Variants in TRHDE observed in about 807,000 individuals in gnomAD.
TRHDE encodes thyrotropin releasing hormone degrading enzyme, also known as thyrotropin-releasing hormone-degrading ectoenzyme.
Under a neutral mutation model 125.7 loss-of-function variants are expected in TRHDE, and 72 were observed. That is an observed-to-expected ratio of 0.57 (90% CI 0.47 to 0.70). The LOEUF (loss-of-function observed/expected upper bound fraction) is 0.70. Ranked by LOEUF, TRHDE falls within the 30% of genes least tolerant of loss-of-function variation. The probability of loss-of-function intolerance (pLI) is 0.00; values close to 1 mark genes in which losing one functional copy is unlikely to be tolerated. For missense variants in TRHDE, 1,110 were observed against 1,327.1 expected (o/e 0.84, Z 2.54); for synonymous variants, 509 against 509.1 (o/e 1.00, Z 0.00).
intron 2 of TRHDE, among the ~76,000 whole-genome samples, chr12:72,135,500 G>C (rs1875963706): frequency 6.6e-6 from 1 of 151,348 alleles, no homozygotes. Context: ...CCCTATAACT[G>C]TCTACTGGGA....
chr12:72,549,996 A>G (rs1353412001), intron 7 of TRHDE, among the ~76,000 whole-genome samples: 3 of 151,722 alleles, frequency 2.0e-5, no homozygotes, highest in Non-Finnish European at 4.4e-5. Flanking sequence ...TCCTGCAGGC[A>G]TTTGTCTAGC....
At chr12:72,474,039 C>T (rs960135099) in intron 5 of TRHDE, among the ~76,000 whole-genome samples, 5 of 151,938 alleles carry the variant, frequency 3.3e-5, no homozygotes, top group Non-Finnish European at 7.4e-5. Context: ...TATGCACACA[C>T]ACATACATAT....
intron 12 of TRHDE, among the ~76,000 whole-genome samples, chr12:72,591,831 G>A (rs1319481807): frequency 2.0e-5 from 3 of 151,082 alleles, no homozygotes; most frequent in East Asian, 1.9e-4. Context: ...TTCTGGCCTC[G>A]ATAGTTTCTG....
In TRHDE at chr12:72,354,530, G is replaced by C. The variant is rs1026400524; in HGVS notation, c.1189-23465G>C. Among the ~76,000 whole-genome samples, 6 of 151,022 alleles carry C rather than the reference G, an allele frequency of 4.0e-5. No individual in the cohort carries two copies. The South Asian group carries it at 1.2e-3, about 31-fold the overall frequency. On this transcript the variant is annotated intron_variant, in intron 2 of 18. Coordinates refer to ENST00000261180, the MANE Select transcript of TRHDE (RefSeq NM_013381.3). ...AGCAGGTGTTCTAATAAGTAAAATG[G>C]GAATGAAAAATGAATATATAAATTA...
intron 3 of TRHDE, among the ~76,000 whole-genome samples, chr12:72,443,637 A>G (rs1484325423): frequency 6.6e-6 from 1 of 151,640 alleles, no homozygotes; most frequent in South Asian, 2.1e-4. Flanking sequence ...AGCTGTATCT[A>G]TTTTTCTCTA....
intron 1 of TRHDE, among the ~76,000 whole-genome samples, chr12:72,092,664 C>T (rs914882881): frequency 5.3e-5 from 8 of 152,178 alleles, no homozygotes; most frequent in African/African-American, 1.7e-4. Context: ...CTGAGGCTAA[C>T]GGAGTGCAAT....
intron 2 of TRHDE, among the ~76,000 whole-genome samples, chr12:72,132,362 C>A (rs765787704): frequency 6.6e-6 from 1 of 152,200 alleles, no homozygotes; most frequent in Admixed American, 6.5e-5. Context: ...CTGGCATTCT[C>A]ATTCTTTCAG....
rs143096471 is a variant in TRHDE, at chr12:72,103,537, G to A, written n.175-2111G>A. On this transcript the variant is annotated intron_variant and non_coding_transcript_variant, in intron 1 of 4. Coordinates refer to the TRHDE transcript ENST00000548156. ...ACAATTTTCATTTACTGTGAATCCT[G>A]TGGTAGGATTCTCTGTGGTTGCTCT... Among the ~76,000 whole-genome samples, 78 of 152,104 alleles carry A rather than the reference G, an allele frequency of 5.1e-4. 1 individual carries two copies. Among genetic ancestry groups the A allele is most frequent in the African/African-American group, 1.7e-3 (71 of 41,416 alleles).
intron 2 of TRHDE, among the ~76,000 whole-genome samples, chr12:72,185,754 T>C (rs1186163137): frequency 1.3e-5 from 2 of 151,292 alleles, no homozygotes; most frequent in African/African-American, 4.9e-5. Flanking sequence ...TGGAGAACCT[T>C]TATGTCTAGC....
intron 2 of TRHDE, among the ~76,000 whole-genome samples, chr12:72,191,745 A>G (rs141404822): frequency 1.4e-3 from 217 of 152,258 alleles, no homozygotes; most frequent in Middle Eastern, 0.01. Flanking sequence ...AATAATAAAA[A>G]ATGTTTAGAG....
chr12:72,133,364 T>C (rs1360315727), intron 2 of TRHDE, among the ~76,000 whole-genome samples: 2 of 151,896 alleles, frequency 1.3e-5, no homozygotes, highest in Non-Finnish European at 1.5e-5. Flanking sequence ...TTGAAAGTGG[T>C]GGGTAATACA....
At chr12:72,612,757 A>C (rs773483554) in intron 12 of TRHDE, among the ~76,000 whole-genome samples, 4 of 152,222 alleles carry the variant, frequency 2.6e-5, no homozygotes, top group Admixed American at 6.5e-5. Context: ...GTTTTCTAAA[A>C]AGTAGTTGAC....
chr12:72,589,688 G>A (rs1871588660), intron 12 of TRHDE, among the ~76,000 whole-genome samples: 1 of 151,970 alleles, frequency 6.6e-6, no homozygotes, highest in African/African-American at 2.4e-5. Context: ...CAGTCATTGG[G>A]ATAGACTTAT....
At chr12:72,124,686 A>T (rs574263428) in intron 2 of TRHDE, among the ~76,000 whole-genome samples, 1 of 152,318 alleles carries the variant, frequency 6.6e-6, no homozygotes, top group African/African-American at 2.4e-5. Flanking sequence ...TGGAACATTT[A>T]GATTACTTCT....
chr12:72,552,548 G>A (rs1389521956), intron 7 of TRHDE, among the ~76,000 whole-genome samples: 1 of 152,160 alleles, frequency 6.6e-6, no homozygotes, highest in Non-Finnish European at 1.5e-5. Context: ...GGCAGGCAGA[G>A]TACCAAGGGA....
At chr12:72,616,412 T>TA (rs1872813055) in intron 12 of TRHDE, among the ~76,000 whole-genome samples, 1 of 152,152 alleles carries the variant, frequency 6.6e-6, no homozygotes, top group Non-Finnish European at 1.5e-5. Context: ...TTCTGGACTA[T>TA]AATGGGTGTC....
intron 6 of TRHDE, among the ~76,000 whole-genome samples, chr12:72,520,363 G>A (rs552524049): frequency 1.7e-4 from 26 of 152,272 alleles, no homozygotes; most frequent in South Asian, 4.1e-4. Context: ...TTTTAAGCCC[G>A]TCGGAAAAGC....
At chr12:72,577,566 C>T (rs969854988) in intron 12 of TRHDE, among the ~76,000 whole-genome samples, 2 of 152,150 alleles carry the variant, frequency 1.3e-5, no homozygotes, top group East Asian at 1.9e-4. Context: ...TCATGTGAAT[C>T]GTTACGGGTT....
At chr12:72,199,577 G>A (rs896123065) in intron 2 of TRHDE, among the ~76,000 whole-genome samples, 2 of 152,172 alleles carry the variant, frequency 1.3e-5, no homozygotes, top group Admixed American at 6.6e-5. Flanking sequence ...AGCTGTAGAT[G>A]CCGAGTAATA....
Sources: gnomAD v4.1 joint callset for allele counts (sites outside exome capture counted in the v4.1 genomes callset) on GRCh38, gnomAD v4.1.1 for gene constraint, MANE v1.5 for transcripts, NCBI Gene and HGNC (gene_info 2026-07-23, HGNC 2026-07-21) for gene names.